The following RNF180 variants were observed in gnomAD, a reference collection of about 807,000 sequenced individuals.
The protein encoded by RNF180 is ring finger protein 180.
In RNF180, 38 loss-of-function variants were observed where a neutral mutation model predicts 59.2. The ratio of observed to expected loss-of-function variants is 0.64; its 90% CI spans 0.50 to 0.84. RNF180 has a LOEUF of 0.84. Among genes scored for constraint, RNF180 ranks in the 40% least tolerant of loss-of-function variants. The probability of loss-of-function intolerance (pLI) is 0.00; values close to 1 mark genes in which losing one functional copy is unlikely to be tolerated. For missense variants in RNF180, 705 were observed against 700.9 expected (o/e 1.01, Z -0.07); for synonymous variants, 262 against 240.3 (o/e 1.09, Z -0.84).
chr5:64,179,677 C>T (rs1750464069), intron 1 of RNF180, among the ~76,000 whole-genome samples: 1 of 152,030 alleles, frequency 6.6e-6, no homozygotes, highest in Non-Finnish European at 1.5e-5. Flanking sequence ...GGGTTGTTTC[C>T]AGTTTTTTTA....
intron 7 of RNF180, among the ~76,000 whole-genome samples, chr5:64,335,618 T>C (rs1361442459): frequency 6.6e-6 from 1 of 152,184 alleles, no homozygotes; most frequent in African/African-American, 2.4e-5. Context: ...TTTTGAGGTC[T>C]TTGAGTCCAT....
chr5:64,193,777 A>G (rs902833220), intron 1 of RNF180, among the ~76,000 whole-genome samples: 2 of 152,184 alleles, frequency 1.3e-5, no homozygotes, highest in Non-Finnish European at 2.9e-5. Context: ...TGTATGGGCA[A>G]TGGTGGGAAA....
At chr5:64,227,424 C>T (rs1741835350) in intron 5 of RNF180, among the ~76,000 whole-genome samples, 1 of 152,146 alleles carries the variant, frequency 6.6e-6, no homozygotes, top group South Asian at 2.1e-4. Flanking sequence ...ATGTCCTGGT[C>T]CCGAACAAAG....
chr5:64,289,151 T>C (rs1011136548), intron 5 of RNF180, among the ~76,000 whole-genome samples: 3 of 152,242 alleles, frequency 2.0e-5, no homozygotes, highest in Admixed American at 2.0e-4. Context: ...GAGATAATCA[T>C]GTGGTTTTTG....
chr5:64,186,754 A>G (rs778307079), intron 1 of RNF180, among the ~76,000 whole-genome samples: 15 of 152,204 alleles, frequency 9.9e-5, no homozygotes, highest in Non-Finnish European at 1.8e-4. Flanking sequence ...AGAATCTCCA[A>G]AAATAATGAA....
chr5:64,218,232 CA>C, intron 5 of RNF180, among the ~76,000 whole-genome samples: 1 of 152,156 alleles, frequency 6.6e-6, no homozygotes, highest in East Asian at 1.9e-4. Flanking sequence ...ATGGTTTCTT[CA>C]AAAAGTTTTA....
intron 5 of RNF180, among the ~76,000 whole-genome samples, chr5:64,240,729 C>G (rs1461865651): frequency 2.0e-5 from 3 of 152,194 alleles, no homozygotes. Flanking sequence ...CTTACTGTTT[C>G]TTCTGCCTGG....
intron 5 of RNF180, among the ~76,000 whole-genome samples, chr5:64,226,129 C>T (rs549486204): frequency 2.2e-4 from 34 of 151,920 alleles, no homozygotes; most frequent in African/African-American, 8.2e-4. Context: ...TGCCTCTGCC[C>T]GGCTGCCCCA....
intron 1 of RNF180, among the ~76,000 whole-genome samples, chr5:64,192,520 A>G (rs186589631): frequency 7.2e-5 from 11 of 152,084 alleles, no homozygotes; most frequent in Non-Finnish European, 1.5e-4. Flanking sequence ...ACAAATACAA[A>G]AATTACCTGG....
At chr5:64,220,067 C>G (rs1752833446) in intron 5 of RNF180, among the ~76,000 whole-genome samples, 1 of 152,036 alleles carries the variant, frequency 6.6e-6, no homozygotes, top group Non-Finnish European at 1.5e-5. Context: ...TCTGTTGGGT[C>G]TGTAATGATA....
At chr5:64,222,158 A>G (rs1741378723) in intron 5 of RNF180, among the ~76,000 whole-genome samples, 1 of 152,016 alleles carries the variant, frequency 6.6e-6, no homozygotes. Context: ...CCCTCAACTG[A>G]GATTTGTCTG....
intron 5 of RNF180, among the ~76,000 whole-genome samples, chr5:64,261,613 T>C (rs1384669371): frequency 1.3e-5 from 2 of 152,234 alleles, no homozygotes; most frequent in East Asian, 3.8e-4. Context: ...CACAGTGAAC[T>C]CACTGACCCT....
At chr5:64,187,416 T>C (rs1428088804) in intron 1 of RNF180, among the ~76,000 whole-genome samples, 1 of 152,166 alleles carries the variant, frequency 6.6e-6, no homozygotes. Context: ...GGAAAAATAC[T>C]TATAGATGTG....
intron 5 of RNF180, among the ~76,000 whole-genome samples, chr5:64,279,799 T>A (rs1741914602): frequency 1.3e-5 from 2 of 152,116 alleles, no homozygotes; most frequent in Non-Finnish European, 2.9e-5. Context: ...CTCAAAAATA[T>A]AGTCCATTTT....
chr5:64,291,108 A>G (rs913512675), intron 5 of RNF180, among the ~76,000 whole-genome samples: 1 of 152,162 alleles, frequency 6.6e-6, no homozygotes, highest in African/African-American at 2.4e-5. Flanking sequence ...TTGGCCAGAT[A>G]TGGAATTCTA....
intron 7 of RNF180, among the ~76,000 whole-genome samples, chr5:64,368,288 T>G (rs912373348): frequency 4.6e-5 from 7 of 151,744 alleles, no homozygotes; most frequent in Non-Finnish European, 7.4e-5. Context: ...ATTCTCAAAG[T>G]ATAAGATACA....
chr5:64,286,508 T>G (rs536238715), intron 5 of RNF180, among the ~76,000 whole-genome samples: 1 of 152,298 alleles, frequency 6.6e-6, no homozygotes, highest in South Asian at 2.1e-4. Flanking sequence ...TTATGAAGTA[T>G]TATAAAGATG....
At chr5:64,319,172 T>G (rs1477202339) in intron 5 of RNF180, among the ~76,000 whole-genome samples, 1 of 141,380 alleles carries the variant, frequency 7.1e-6, no homozygotes, top group Non-Finnish European at 1.6e-5. Context: ...AAAACTGTTG[T>G]TTAAAAAAAA....
chr5:64,223,043 C>T (rs1322230913), intron 5 of RNF180, among the ~76,000 whole-genome samples: 2 of 152,154 alleles, frequency 1.3e-5, no homozygotes, highest in Non-Finnish European at 2.9e-5. Context: ...ACAGTTTTAT[C>T]ATCTTATAGT....
Sources: gnomAD v4.1 joint callset for allele counts (sites outside exome capture counted in the v4.1 genomes callset) on GRCh38, gnomAD v4.1.1 for gene constraint, MANE v1.5 for transcripts, NCBI Gene and HGNC (gene_info 2026-07-23, HGNC 2026-07-21) for gene names.